THSD4: variants seen among roughly 807,000 people sequenced by gnomAD.
The protein encoded by THSD4 is thrombospondin type-1 domain-containing protein 4.
A neutral mutation model predicts 119.0 loss-of-function variants in THSD4; 69 were observed. The observed-to-expected ratio is 0.58, with a 90% confidence interval of 0.48 to 0.71. The LOEUF is 0.71. Ranked by LOEUF, THSD4 falls within the 30% of genes least tolerant of loss-of-function variation. THSD4 has a pLI of 0.00. For missense variants in THSD4, 1,393 were observed against 1,391.1 expected (o/e 1.00, Z -0.02); for synonymous variants, 524 against 540.4 (o/e 0.97, Z 0.42).
rs376426047 is a variant in THSD4, at chr15:71,399,132, G to A, written c.1016-12555G>A. On this transcript the variant is annotated intron_variant, in intron 6 of 17. Coordinates refer to ENST00000261862, the MANE Select transcript of THSD4 (RefSeq NM_024817.3). ...GGTTCCAGAGTGGAGTAGTGAGGTG[G>A]GGGGTGCAGTGGTAACAATGACATT... Among the ~76,000 whole-genome samples, 36 of 152,138 alleles carry A rather than the reference G, an allele frequency of 2.4e-4. 1 individual carries two copies. The highest frequency in any genetic ancestry group is 3.9e-4 in the African/African-American group (16 of 41,502).
At chr15:71,165,589 G>T (rs991162836) in intron 3 of THSD4, among the ~76,000 whole-genome samples, 8 of 152,238 alleles carry the variant, frequency 5.3e-5, no homozygotes, top group Admixed American at 3.9e-4. Flanking sequence ...ATCCTGGGTT[G>T]TTGGTCGGGA....
chr15:71,203,899 G>A (rs2043822841), intron 3 of THSD4, among the ~76,000 whole-genome samples: 1 of 152,290 alleles, frequency 6.6e-6, no homozygotes, highest in East Asian at 1.9e-4. Flanking sequence ...GGGGAGTGCT[G>A]AATATTGACC....
chr15:71,614,331 A>G (rs961843461), intron 7 of THSD4, among the ~76,000 whole-genome samples: 3 of 152,096 alleles, frequency 2.0e-5, no homozygotes, highest in Admixed American at 2.0e-4. Flanking sequence ...ACCAAAACCA[A>G]TTGTCATTTT....
At chr15:71,609,603 A>C (rs1040408658) in intron 7 of THSD4, among the ~76,000 whole-genome samples, 3 of 152,310 alleles carry the variant, frequency 2.0e-5, no homozygotes, top group African/African-American at 7.2e-5. Context: ...CTATAATCCC[A>C]GCACTTTGGG....
At chr15:71,116,497 G>A (rs2040363807) in intron 1 of THSD4, among the ~76,000 whole-genome samples, 1 of 152,084 alleles carries the variant, frequency 6.6e-6, no homozygotes, top group South Asian at 2.1e-4. Context: ...TAAGCAGTCC[G>A]CACCCAGCAC....
chr15:71,247,550 T>C (rs2218308), intron 5 of THSD4, among the ~76,000 whole-genome samples: 149,961 of 152,296 alleles, frequency 0.98, 73,880 homozygotes, highest in East Asian at 1. Flanking sequence ...GGGTGGAGTT[T>C]GAGTGCAGAT....
chr15:71,324,672 G>A (rs2045317160), intron 6 of THSD4, among the ~76,000 whole-genome samples: 1 of 152,138 alleles, frequency 6.6e-6, no homozygotes, highest in Non-Finnish European at 1.5e-5. Context: ...CTATTCCGTG[G>A]TGTATATATA....
intron 6 of THSD4, among the ~76,000 whole-genome samples, chr15:71,305,856 C>G (rs989779881): frequency 2.6e-5 from 4 of 152,196 alleles, no homozygotes; most frequent in Non-Finnish European, 5.9e-5. Flanking sequence ...CTATCCTTCT[C>G]GAGTTCCCAC....
Position 71,596,256 on chromosome 15 carries a change from G to C in THSD4, c.1153-64274G>C, listed in dbSNP as rs146601105. Among the ~76,000 whole-genome samples the C allele has an allele frequency of 2.4e-3, 368 of 152,348 alleles. 1 individual carries two copies. The highest frequency in any genetic ancestry group is 8.0e-3 in the African/African-American group (333 of 41,588). On this transcript the variant is annotated intron_variant, in intron 7 of 17. Transcript: ENST00000261862. ...AGAGTGGCCTTCCACAAATGACACA[G>C]TGTGTGTCACCCTTCTGTGGGTAGG...
intron 7 of THSD4, among the ~76,000 whole-genome samples, chr15:71,426,816 A>G (rs954817630): frequency 6.6e-6 from 1 of 152,152 alleles, no homozygotes; most frequent in East Asian, 1.9e-4. Context: ...CTTAGCTCCT[A>G]AAGGAGAGAT....
upstream of THSD4, chr15:71,111,851 T>C: frequency 3.7e-6 from 2 of 535,002 alleles, no homozygotes; most frequent in South Asian, 6.1e-5. Context: ...GCAGTGTTTT[T>C]CAAAGTGCAA....
chr15:71,436,168 TA>T (rs1328807974), intron 7 of THSD4, among the ~76,000 whole-genome samples: 1 of 152,166 alleles, frequency 6.6e-6, no homozygotes, highest in Non-Finnish European at 1.5e-5. Flanking sequence ...ATGAGAACCA[TA>T]AAACTCACCA....
intron 7 of THSD4, among the ~76,000 whole-genome samples, chr15:71,482,377 G>A (rs981462822): frequency 6.8e-5 from 10 of 147,162 alleles, no homozygotes; most frequent in Admixed American, 2.1e-4. Flanking sequence ...TGCAAGCTCC[G>A]CCTCCTGGGT....
chr15:71,707,064 G>A (rs2052406501), intron 8 of THSD4, among the ~76,000 whole-genome samples: 1 of 152,136 alleles, frequency 6.6e-6, no homozygotes, highest in East Asian at 1.9e-4. Flanking sequence ...GTTGGAGTTA[G>A]GGTCTCTGAG....
intron 8 of THSD4, among the ~76,000 whole-genome samples, chr15:71,700,715 A>G (rs1370213528): frequency 2.0e-5 from 3 of 152,076 alleles, no homozygotes; most frequent in Non-Finnish European, 4.4e-5. Flanking sequence ...AGGGATACCA[A>G]AGAGATGGTA....
At chr15:71,415,885 C>T (rs915470093) in intron 7 of THSD4, among the ~76,000 whole-genome samples, 1 of 152,202 alleles carries the variant, frequency 6.6e-6, no homozygotes, top group Non-Finnish European at 1.5e-5. Context: ...CAGCCCCCGC[C>T]TCCCAGGTTC....
intron 8 of THSD4, among the ~76,000 whole-genome samples, chr15:71,685,851 C>A (rs557280534): frequency 6.6e-6 from 1 of 152,074 alleles, no homozygotes; most frequent in East Asian, 1.9e-4. Flanking sequence ...CAAATAGCAT[C>A]TTAGAGTTGT....
At chr15:71,760,629 C>T (rs1329753537) in intron 15 of THSD4, among the ~76,000 whole-genome samples, 1 of 152,206 alleles carries the variant, frequency 6.6e-6, no homozygotes, top group Non-Finnish European at 1.5e-5. Flanking sequence ...CTGTCACAGT[C>T]TCTAGTCTTC....
chr15:71,453,147 A>G (rs1328741063), intron 7 of THSD4, among the ~76,000 whole-genome samples: 1 of 152,186 alleles, frequency 6.6e-6, no homozygotes, highest in African/African-American at 2.4e-5. Context: ...TAGGACTGTG[A>G]GAAAATCAGC....
Sources: gnomAD v4.1 joint callset for allele counts (sites outside exome capture counted in the v4.1 genomes callset) on GRCh38, gnomAD v4.1.1 for gene constraint, MANE v1.5 for transcripts, NCBI Gene and HGNC (gene_info 2026-07-23, HGNC 2026-07-21) for gene names.